MIER1: variants seen among roughly 807,000 people sequenced by gnomAD.
The protein encoded by MIER1 is MIER1 transcriptional regulator.
Under a neutral mutation model 75.7 loss-of-function variants are expected in MIER1, and 40 were observed. That is an observed-to-expected ratio of 0.53 (90% CI 0.41 to 0.69). The LOEUF (loss-of-function observed/expected upper bound fraction) is 0.69. Ranked by LOEUF, MIER1 falls within the 30% of genes least tolerant of loss-of-function variation. MIER1 has a pLI of 0.00. For synonymous variants in MIER1, 213 were observed against 223.4 expected, an observed-to-expected ratio of 0.95 and a Z score of 0.42; for missense variants, 574 against 680.2, an observed-to-expected ratio of 0.84 and a Z score of 1.74.
At chr1:66,955,535 G>A (rs774688052) in intron 4 of MIER1, among the ~76,000 whole-genome samples, 7 of 151,680 alleles carry the variant, frequency 4.6e-5, no homozygotes, top group Non-Finnish European at 8.8e-5. Flanking sequence ...TTTTTTTGGA[G>A]TGAACGAAGT....
chr1:66,941,283 A>C (rs1391799787), intron 3 of MIER1, among the ~76,000 whole-genome samples: 1 of 152,178 alleles, frequency 6.6e-6, no homozygotes, highest in African/African-American at 2.4e-5. Context: ...AGTAAAGTAC[A>C]TTAGGCTTTG....
chr1:66,982,347 A>G (rs534437161), intron 13 of MIER1, among the ~76,000 whole-genome samples: 65 of 152,358 alleles, frequency 4.3e-4, no homozygotes, highest in Admixed American at 2.4e-3. Flanking sequence ...CTTTGATAGC[A>G]TAATAACCTT....
chr1:66,926,067 G>C (rs1651683645), intron 1 of MIER1, 75 bp from the exon 2 acceptor site: 1 of 1,186,626 alleles, frequency 8.4e-7, no homozygotes, highest in Non-Finnish European at 1.2e-6. Flanking sequence ...TTAAAAATGC[G>C]AAACAGGGTG....
At chr1:66,926,301 A>G (rs1651757857) in intron 2 of MIER1, 59 bp downstream of exon 2, 5 of 1,260,522 alleles carry the variant, frequency 4.0e-6, no homozygotes, top group African/African-American at 2.9e-5. Flanking sequence ...CTCAAGTAAT[A>G]TAAGATTATA....
intron 12 of MIER1, among the ~76,000 whole-genome samples, chr1:66,980,758 T>C (rs1332463324): frequency 2.6e-5 from 4 of 152,034 alleles, no homozygotes; most frequent in African/African-American, 9.7e-5. Context: ...ATAAACAAAG[T>C]AGACTAAAAA....
chr1:66,967,718 C>T (rs999405623), intron 8 of MIER1, among the ~76,000 whole-genome samples: 2 of 150,990 alleles, frequency 1.3e-5, no homozygotes, highest in African/African-American at 4.9e-5. Flanking sequence ...AGATCTTTCA[C>T]TTCTTCGGTT....
At chr1:66,966,775 T>C (rs1431867452) in intron 8 of MIER1, among the ~76,000 whole-genome samples, 1 of 152,220 alleles carries the variant, frequency 6.6e-6, no homozygotes. Context: ...TGCATTCATC[T>C]GTTGATGGAC....
intron 8 of MIER1, 120 bp downstream of exon 8, chr1:66,963,280 T>C (rs568361464): frequency 3.3e-6 from 2 of 611,414 alleles, no homozygotes; most frequent in Admixed American, 3.0e-5. Context: ...TGTAACCCCA[T>C]TGGTTTGTGA....
intron 3 of MIER1, among the ~76,000 whole-genome samples, chr1:66,942,028 A>G (rs953500476): frequency 6.6e-6 from 1 of 151,580 alleles, no homozygotes; most frequent in Non-Finnish European, 1.5e-5. Context: ...TACTTAACAG[A>G]TAGAATGTTT....
In MIER1 at chr1:66,925,092, G is replaced by C. The variant is rs1049298779; in HGVS notation, c.64G>C (p.Gly22Arg). The C allele has an allele frequency of 5.8e-6, 9 of 1,547,762 alleles. No individual in the cohort carries two copies. The African/African-American group carries it at 1.2e-4, about 21-fold the overall frequency. The change falls in exon 1 of 14, where the codon GGC becomes CGC. Residue 22 changes from glycine to arginine, a missense_variant. Transcript: ENST00000401041. ...SEGGGGSSGS[G>R]YGVVARFSQC... is the part of the protein sequence containing the mutation. ...AGGTGGCGGCGGCAGCAGCGGCAGC[G>C]GCTGTAAGTGCAGCCTCCACAAGCC...
chr1:66,977,816 A>AG (rs1205022235), intron 12 of MIER1, among the ~76,000 whole-genome samples: 26 of 152,294 alleles, frequency 1.7e-4, no homozygotes, highest in African/African-American at 6.3e-4. Flanking sequence ...AAAATAATGC[A>AG]AAATAAAAAA....
intron 9 of MIER1, 27 bp downstream of exon 9, chr1:66,970,986 C>T (rs1558096955): frequency 1.9e-6 from 3 of 1,555,314 alleles, no homozygotes; most frequent in Non-Finnish European, 1.7e-6. Context: ...ACTGTTAGAA[C>T]TTTGCCATAC....
intron 3 of MIER1, among the ~76,000 whole-genome samples, chr1:66,945,267 GTATATA>G (rs66525570): frequency 0.01 from 1,453 of 140,630 alleles, 22 homozygotes; most frequent in Non-Finnish European, 0.016. Flanking sequence ...TCTGGTGTGT[GTATATA>G]TATATATATA....
Position 66,981,861 on chromosome 1 carries a change from A to G in MIER1, c.1312A>G (p.Ser438Gly), listed in dbSNP as rs369314529. 1 of 1,614,124 alleles carries G rather than the reference A, an allele frequency of 6.2e-7. No homozygotes were observed. Among genetic ancestry groups the G allele is most frequent in the African/African-American group, 1.3e-5 (1 of 75,064 alleles). Residue 438 changes from serine to glycine, a missense_variant, in exon 13 of 14, where the codon AGT becomes GGT. Coordinates refer to ENST00000401041, the MANE Select transcript of MIER1 (RefSeq NM_001077700.3). The part of the protein sequence containing the change: ...APSPPPTASN[S>G]SNSQSEKEDG... ...ATCCCCTCCCCCAACTGCATCAAAC[A>G]GTAGTAACAGCCAGTCTGAGAAAGA...
chr1:66,958,730 C>G (rs908449797), intron 5 of MIER1, 121 bp from the exon 6 acceptor site: 2 of 714,892 alleles, frequency 2.8e-6, no homozygotes, highest in South Asian at 5.1e-5. Context: ...GAGGATGATA[C>G]TACATCTAGT....
In MIER1 at chr1:66,986,133, G is replaced by A; in HGVS notation, c.*1233G>A. On this transcript the variant is annotated 3_prime_UTR_variant, in exon 14 of 14. Transcript: ENST00000401041. ...GCAGGCAGTATCGATTTTATGAAGA[G>A]AAAGTGAAGTTTGAAAACTTTTCAA... is the stretch of plus-strand genomic sequence containing the variant. 8.8e-7 allele frequency: 1 copy of A among 1,138,552 alleles called. No individual in the cohort carries two copies. 70.5% of individuals were successfully genotyped at this position (1,138,552 alleles called of 1,614,324 possible).
At chr1:66,930,342 G>A in intron 2 of MIER1, 1 of 1,604,838 alleles carries the variant, frequency 6.2e-7, no homozygotes, top group East Asian at 2.3e-5. Context: ...GGTTCTGGCC[G>A]TGACCCAGCT....
At position 66,970,825 on chromosome 1, in the gene MIER1, C is replaced by T. The variant is rs1663447854; in HGVS notation, c.790C>T (p.Gln264Ter). ...TAATTTAGTATATGAAAATGATGAT[C>T]AGCTCCTGTGGGACCCTGAGTACTT... is the stretch of plus-strand genomic sequence containing the variant. ...ENEKVYENDD[Q>*]LLWDPEYLPE... Residue 264 changes from glutamine (Q) to a stop codon, truncating the protein, a stop_gained, in exon 9 of 14, where the codon CAG (glutamine) becomes TAG (stop). Coordinates refer to ENST00000401041, the MANE Select transcript of MIER1 (RefSeq NM_001077700.3). LOFTEE classifies it high-confidence loss of function. 6.4e-7 allele frequency: 1 copy of T among 1,557,882 alleles called. No individual in the cohort carries two copies. The highest frequency in any genetic ancestry group is 8.6e-7 in the Non-Finnish European group (1 of 1,160,966).
intron 9 of MIER1, 124 bp downstream of exon 9, chr1:66,971,083 GT>G: frequency 1.2e-6 from 1 of 849,508 alleles, no homozygotes; most frequent in Non-Finnish European, 1.7e-6. Flanking sequence ...GGAATCTGAG[GT>G]TATAATCCCT....
Sources: gnomAD v4.1 joint callset for allele counts (sites outside exome capture counted in the v4.1 genomes callset) on GRCh38, gnomAD v4.1.1 for gene constraint, MANE v1.5 for transcripts, NCBI Gene and HGNC (gene_info 2026-07-23, HGNC 2026-07-21) for gene names.